Variants in PIK3CB observed in about 807,000 individuals in gnomAD.
PIK3CB encodes phosphatidylinositol 4,5-bisphosphate 3-kinase catalytic subunit beta isoform.
Under a neutral mutation model 136.8 loss-of-function variants are expected in PIK3CB, and 39 were observed. The ratio of observed to expected loss-of-function variants is 0.29; its 90% CI spans 0.22 to 0.37. The LOEUF (loss-of-function observed/expected upper bound fraction) is 0.37. PIK3CB is among the 10% of genes least tolerant of loss of function. The pLI is 1.00. For synonymous variants in PIK3CB, 428 were observed against 436.6 expected (o/e 0.98, Z 0.25); for missense variants, 868 against 1,275.4 (o/e 0.68, Z 4.87).
chr3:138,668,130 T>C (rs2043454228), intron 19 of PIK3CB, among the ~76,000 whole-genome samples: 1 of 152,068 alleles, frequency 6.6e-6, no homozygotes, highest in Admixed American at 6.6e-5. Flanking sequence ...GGGGCAGAAC[T>C]GTCAAAATAC....
chr3:138,792,974 A>G (rs2046069579), intron 2 of PIK3CB, among the ~76,000 whole-genome samples: 1 of 152,122 alleles, frequency 6.6e-6, no homozygotes, highest in Non-Finnish European at 1.5e-5. Context: ...ACTTTTTTTA[A>G]TAATGTAGGG....
chr3:138,734,940 TA>T (rs370111010), intron 6 of PIK3CB, 136 bp from the exon 7 acceptor site: 23,113 of 267,842 alleles, frequency 0.086, 720 homozygotes, highest in East Asian at 0.18. Context: ...ATCAAGAAAT[TA>T]AAAAAAAAAA....
chr3:138,811,511 C>A (rs1349187357), intron 1 of PIK3CB, among the ~76,000 whole-genome samples: 4 of 151,138 alleles, frequency 2.6e-5, no homozygotes, highest in Non-Finnish European at 4.4e-5. Flanking sequence ...CTGCAACCTC[C>A]GCCTCCCAGG....
chr3:138,810,361 G>A (rs548413655), intron 1 of PIK3CB, among the ~76,000 whole-genome samples: 6 of 149,238 alleles, frequency 4.0e-5, no homozygotes, highest in African/African-American at 1.2e-4. Context: ...AAAGGAGAGG[G>A]AAAGAGTAAC....
At chr3:138,767,000 CT>C (rs11290867) in intron 2 of PIK3CB, among the ~76,000 whole-genome samples, 24,390 of 150,632 alleles carry the variant, frequency 0.16, 6,541 homozygotes, top group African/African-American at 0.56. Flanking sequence ...CAGTATTCCC[CT>C]TTTTTTTTTG....
At chr3:138,667,207 C>CAAAA (rs149370978) in intron 19 of PIK3CB, among the ~76,000 whole-genome samples, 3 of 72,672 alleles carry the variant, frequency 4.1e-5, no homozygotes, top group South Asian at 5.9e-4. Flanking sequence ...GACTCTGTCT[C>CAAAA]AAAAAAAAAA....
chr3:138,831,031 C>T (rs1040177992), intron 1 of PIK3CB, among the ~76,000 whole-genome samples: 1 of 149,868 alleles, frequency 6.7e-6, no homozygotes, highest in Non-Finnish European at 1.5e-5. Flanking sequence ...GCCTGGAGTC[C>T]CAGCACTTTG....
intron 19 of PIK3CB, among the ~76,000 whole-genome samples, chr3:138,673,768 C>A (rs1042489993): frequency 6.6e-6 from 1 of 152,138 alleles, no homozygotes; most frequent in African/African-American, 2.4e-5. Flanking sequence ...GTCCCAACCC[C>A]CTTCCCAGTT....
intron 1 of PIK3CB, chr3:138,826,420 A>G: frequency 9.1e-7 from 1 of 1,101,326 alleles, no homozygotes; most frequent in South Asian, 1.4e-5. Context: ...TTTAGGTTTA[A>G]TAGTAAATGA....
At position 138,720,772 on chromosome 3, in the gene PIK3CB, G is replaced by A. The variant is rs148923637; in HGVS notation, c.1051-6053C>T. Among the ~76,000 whole-genome samples the A allele has an allele frequency of 5.0e-3, 758 of 152,274 alleles. 6 individuals are homozygous for A. The highest frequency in any genetic ancestry group is 0.017 in the African/African-American group (714 of 41,556). ...AGTCACAGCTACTCAGGAGGCTGAC[G>A]TGGGAGGATCGCCTGAGCCCTAGAG... On this transcript the variant is annotated intron_variant, in intron 8 of 23. Transcript: ENST00000674063.
intron 1 of PIK3CB, among the ~76,000 whole-genome samples, chr3:138,802,421 T>G (rs1319768778): frequency 1.0e-4 from 14 of 139,926 alleles, no homozygotes; most frequent in East Asian, 2.1e-4. Flanking sequence ...AGGGGGAAAG[T>G]AGAAAGGGGA....
intron 8 of PIK3CB, among the ~76,000 whole-genome samples, chr3:138,718,867 T>C (rs567027495): frequency 6.6e-6 from 1 of 152,324 alleles, no homozygotes; most frequent in African/African-American, 2.4e-5. Flanking sequence ...TGTGCAGCCT[T>C]ATTTCTGGGC....
At chr3:138,739,448 A>T (rs1309838881) in intron 5 of PIK3CB, among the ~76,000 whole-genome samples, 1 of 151,202 alleles carries the variant, frequency 6.6e-6, no homozygotes, top group Non-Finnish European at 1.5e-5. Flanking sequence ...ACTCAAAAAA[A>T]TAAATAAAAT....
chr3:138,685,003 A>G, intron 16 of PIK3CB, 200 bp from the exon 17 acceptor site: 1 of 478,228 alleles, frequency 2.1e-6, no homozygotes, highest in Non-Finnish European at 3.7e-6. Flanking sequence ...TTGTTATAGC[A>G]TCATTTTCAA....
At chr3:138,804,525 G>A (rs921866896) in intron 1 of PIK3CB, among the ~76,000 whole-genome samples, 1 of 151,980 alleles carries the variant, frequency 6.6e-6, no homozygotes, top group African/African-American at 2.4e-5. Context: ...AAACAAAAGA[G>A]CAAAAAGCTT....
chr3:138,704,854 C>A (rs932597621), intron 11 of PIK3CB, among the ~76,000 whole-genome samples: 6 of 151,946 alleles, frequency 3.9e-5, no homozygotes, highest in Non-Finnish European at 8.8e-5. Flanking sequence ...ATAAACTTTT[C>A]TCATTATGTT....
At chr3:138,731,014 T>A (rs2108632820) in intron 8 of PIK3CB, among the ~76,000 whole-genome samples, 1 of 152,308 alleles carries the variant, frequency 6.6e-6, no homozygotes, top group South Asian at 2.1e-4. Context: ...CAGCACATAT[T>A]ATAAAGTGAA....
At chr3:138,729,797 T>G (rs2044930602) in intron 8 of PIK3CB, among the ~76,000 whole-genome samples, 1 of 152,174 alleles carries the variant, frequency 6.6e-6, no homozygotes, top group Non-Finnish European at 1.5e-5. Context: ...TAATAAATCT[T>G]CTATATTTTT....
At chr3:138,770,419 A>G (rs1173547493) in intron 2 of PIK3CB, 1 of 151,782 alleles carries the variant, frequency 6.6e-6, no homozygotes, top group South Asian at 2.1e-4. Flanking sequence ...TTAAAAAGAG[A>G]TTTTTTTTGG....
Sources: allele counts gnomAD v4.1 joint callset (sites outside exome capture counted in the v4.1 genomes callset), GRCh38; gene constraint gnomAD v4.1.1; transcripts MANE v1.5; gene names NCBI Gene and HGNC (gene_info 2026-07-23, HGNC 2026-07-21).